The following NPAS3 variants were observed in gnomAD, a reference collection of about 807,000 sequenced individuals.
NPAS3 encodes the protein neuronal PAS domain protein 3.
A neutral mutation model predicts 73.1 loss-of-function variants in NPAS3; 14 were observed. The observed-to-expected ratio is 0.19, with a 90% confidence interval of 0.13 to 0.30. The LOEUF is 0.30. Ranked by LOEUF, NPAS3 falls within the 10% of genes least tolerant of loss-of-function variation. The pLI, the probability that NPAS3 is intolerant of heterozygous loss-of-function variation, is 1.00. For missense variants in NPAS3, 1,096 were observed against 1,250.0 expected, an observed-to-expected ratio of 0.88 and a Z score of 1.86; for synonymous variants, 620 against 541.5, an observed-to-expected ratio of 1.14 and a Z score of -2.01.
At chr14:33,519,393 A>G (rs774568932) in intron 4 of NPAS3, among the ~76,000 whole-genome samples, 1 of 151,852 alleles carries the variant, frequency 6.6e-6, no homozygotes, top group Non-Finnish European at 1.5e-5. Context: ...CTCTCATTAC[A>G]CTCAAACATT....
At chr14:33,606,453 G>C (rs1422572238) in intron 5 of NPAS3, among the ~76,000 whole-genome samples, 1 of 152,020 alleles carries the variant, frequency 6.6e-6, no homozygotes, top group Non-Finnish European at 1.5e-5. Context: ...TGAGGCAGCT[G>C]ACTTTCAACA....
chr14:33,422,996 A>C (rs938005653), intron 4 of NPAS3, among the ~76,000 whole-genome samples: 4 of 152,024 alleles, frequency 2.6e-5, no homozygotes, highest in Non-Finnish European at 5.9e-5. Flanking sequence ...TGGAGGGACC[A>C]CCCAGCAATA....
intron 4 of NPAS3, among the ~76,000 whole-genome samples, chr14:33,546,803 C>T (rs1449029154): frequency 6.6e-6 from 1 of 152,158 alleles, no homozygotes; most frequent in Non-Finnish European, 1.5e-5. Flanking sequence ...TTGCATTATA[C>T]AGTATTGAGA....
intron 1 of NPAS3, among the ~76,000 whole-genome samples, chr14:32,999,486 G>A (rs2038723127): frequency 6.6e-6 from 1 of 151,518 alleles, no homozygotes; most frequent in Non-Finnish European, 1.5e-5. Flanking sequence ...ACTCCAGCCT[G>A]GGTGACAGTA....
chr14:33,720,700 A>C (rs781099406), intron 6 of NPAS3, among the ~76,000 whole-genome samples: 1 of 152,158 alleles, frequency 6.6e-6, no homozygotes, highest in African/African-American at 2.4e-5. Flanking sequence ...AATTTTTCCT[A>C]TTCTTTGAGA....
chr14:33,280,477 C>T (rs1417691632), intron 3 of NPAS3, among the ~76,000 whole-genome samples: 7 of 152,068 alleles, frequency 4.6e-5, no homozygotes, highest in Admixed American at 4.6e-4. Context: ...GAGTTTTGAC[C>T]GTGGTTTTGC....
At chr14:33,249,289 CAT>C (rs1368284212) in intron 3 of NPAS3, among the ~76,000 whole-genome samples, 1 of 151,744 alleles carries the variant, frequency 6.6e-6, no homozygotes, top group Non-Finnish European at 1.5e-5. Flanking sequence ...AACTGAAGAA[CAT>C]AGTATTCTTC....
intron 5 of NPAS3, among the ~76,000 whole-genome samples, chr14:33,614,743 G>T (rs114737465): frequency 0.021 from 3,166 of 152,260 alleles, 93 homozygotes; most frequent in African/African-American, 0.071. Context: ...CCCCAAATTT[G>T]AAGGAACAGA....
intron 9 of NPAS3, among the ~76,000 whole-genome samples, chr14:33,778,852 T>A (rs1285739901): frequency 6.6e-6 from 1 of 152,250 alleles, no homozygotes; most frequent in African/African-American, 2.4e-5. Context: ...TGGGGAAACC[T>A]TTGTCTTAAG....
chr14:33,235,491 C>T (rs4981182), intron 3 of NPAS3, among the ~76,000 whole-genome samples: 3,870 of 151,972 alleles, frequency 0.025, 149 homozygotes, highest in East Asian at 0.12. Context: ...CCTTCCTTGA[C>T]GAATCCTCTT....
chr14:32,954,356 T>C (rs2036594725), intron 1 of NPAS3, among the ~76,000 whole-genome samples: 1 of 152,164 alleles, frequency 6.6e-6, no homozygotes, highest in Non-Finnish European at 1.5e-5. Context: ...CTTTAACTTG[T>C]TTAAAGTTCA....
intron 5 of NPAS3, among the ~76,000 whole-genome samples, chr14:33,571,135 G>A (rs935385575): frequency 6.6e-6 from 1 of 152,214 alleles, no homozygotes; most frequent in Non-Finnish European, 1.5e-5. Context: ...CCTTTTGTCT[G>A]TTAGACATTG....
chr14:33,281,082 G>A (rs777510266), intron 3 of NPAS3, among the ~76,000 whole-genome samples: 5 of 152,120 alleles, frequency 3.3e-5, no homozygotes, highest in Non-Finnish European at 7.4e-5. Context: ...CTCTTCTTAC[G>A]GTAGTGAAGC....
rs1222911043 is a variant in NPAS3, at chr14:33,580,257, A to G, written c.558+20047A>G. Among the ~76,000 whole-genome samples the G allele has an allele frequency of 3.9e-5, 6 of 152,332 alleles. No homozygotes were observed. In the East Asian group the frequency reaches 1.2e-3, roughly 29 times the overall value. ...CCAGCTTCCTGGATGGAGAATTCAG[A>G]GCAACCAACGTCTTCTTTATTAACT... On this transcript the variant is annotated intron_variant, in intron 5 of 11. Coordinates refer to ENST00000356141, the Ensembl canonical transcript of NPAS3.
rs1421274670 is a variant in NPAS3 at position 33,113,183 on chromosome 14, G to GT, written c.140+57196dup. On this transcript the variant is annotated intron_variant, in intron 2 of 11. Transcript: ENST00000356141. ...TTGGTTCCATATGAACTTTAAAGTA[G>GT]TTTTTTTCCAATTCTGTGAAGAAAG... Among the ~76,000 whole-genome samples the GT allele has an allele frequency of 1.9e-3, 292 of 152,138 alleles. 3 individuals are homozygous for GT. Among genetic ancestry groups the GT allele is most frequent in the African/African-American group, 6.6e-3 (276 of 41,512 alleles).
intron 6 of NPAS3, among the ~76,000 whole-genome samples, chr14:33,709,112 C>G (rs535429654): frequency 6.6e-6 from 1 of 152,264 alleles, no homozygotes; most frequent in South Asian, 2.1e-4. Context: ...TCCACAACAC[C>G]CAAGTGGCTT....
intron 2 of NPAS3, among the ~76,000 whole-genome samples, chr14:33,181,733 G>A (rs1368371584): frequency 6.6e-6 from 1 of 152,150 alleles, no homozygotes. Flanking sequence ...TGACAAAAGT[G>A]GAATGTCTCT....
chr14:33,745,450 A>G (rs1440419600), intron 7 of NPAS3, among the ~76,000 whole-genome samples: 1 of 152,162 alleles, frequency 6.6e-6, no homozygotes. Context: ...TTCTTTAAGC[A>G]TCTGGATTTT....
intron 2 of NPAS3, among the ~76,000 whole-genome samples, chr14:33,195,291 G>A (rs1184385591): frequency 6.6e-6 from 1 of 151,080 alleles, no homozygotes; most frequent in Admixed American, 6.6e-5. Context: ...GTTTTTTCAA[G>A]ATTGAGTCTT....
Sources: allele counts gnomAD v4.1 joint callset (sites outside exome capture counted in the v4.1 genomes callset), GRCh38; gene constraint gnomAD v4.1.1; transcripts MANE v1.5; gene names NCBI Gene and HGNC (gene_info 2026-07-23, HGNC 2026-07-21).